Variants in PLD1 observed in about 807,000 individuals in gnomAD.
PLD1 encodes the protein choline phosphatase 1.
A neutral mutation model predicts 137.1 loss-of-function variants in PLD1; 112 were observed. The observed-to-expected ratio is 0.82, with a 90% CI of 0.70 to 0.96. The LOEUF is 0.96. Ranked by LOEUF, PLD1 falls within the 40% of genes least tolerant of loss-of-function variation. The pLI is 0.00. For missense variants in PLD1, 1,321 were observed against 1,342.0 expected (o/e 0.98, Z 0.24); for synonymous variants, 431 against 454.7 (o/e 0.95, Z 0.66).
intron 16 of PLD1, among the ~76,000 whole-genome samples, chr3:171,685,074 A>G (rs1714414036): frequency 6.6e-6 from 1 of 152,210 alleles, no homozygotes; most frequent in Non-Finnish European, 1.5e-5. Context: ...ATGGCTTTGA[A>G]TGTGGCCCAA....
Position 171,686,123 on chromosome 3 carries a change from C to CAAA in PLD1, c.1867+559_1867+561dup, listed in dbSNP as rs370165481. On this transcript the variant is annotated intron_variant, in intron 16 of 26. Transcript: ENST00000351298. ...TGGGTGACAGAGCAAGACTCTATCT[C>CAAA]AAAAAAAAAAAAAAAAAAAGATTTT... Among the ~76,000 whole-genome samples the CAAA allele has an allele frequency of 4.4e-4, 33 of 74,296 alleles. 1 individual carries two copies. The highest frequency in any genetic ancestry group is 3.2e-3 in the South Asian group (7 of 2,154). 48.7% of individuals were successfully genotyped at this position (74,296 alleles called of 152,430 possible).
intron 1 of PLD1, among the ~76,000 whole-genome samples, chr3:171,754,418 A>C (rs959512007): frequency 2.6e-5 from 4 of 152,158 alleles, no homozygotes; most frequent in Non-Finnish European, 5.9e-5. Context: ...AAGAAGTAAT[A>C]ACTCAAAGTG....
rs62281876 is a variant in PLD1 at position 171,681,446 on chromosome 3, T to C, written c.1868-3752A>G. On this transcript the variant is annotated intron_variant, in intron 16 of 26. Transcript: ENST00000351298. ...ACTCAGTCTGAGATGCCGAAATAAA[T>C]ACTTTTGCATTTCCTATATCTGGGT... 8.0e-3 allele frequency among the ~76,000 whole-genome samples: 1,219 copies of C among 152,330 alleles called. 10 individuals carry two copies. The highest frequency in any genetic ancestry group is 0.012 in the Non-Finnish European group (802 of 68,028).
chr3:171,780,742 G>A (rs1295200926), intron 1 of PLD1, among the ~76,000 whole-genome samples: 1 of 152,180 alleles, frequency 6.6e-6, no homozygotes, highest in Non-Finnish European at 1.5e-5. Flanking sequence ...GTGGGCTCAA[G>A]AGAAATTTAT....
intron 6 of PLD1, among the ~76,000 whole-genome samples, 166 bp downstream of exon 6, chr3:171,733,278 G>A (rs1560261021): frequency 6.6e-6 from 1 of 152,156 alleles, no homozygotes; most frequent in East Asian, 1.9e-4. Context: ...ACTGTAAACT[G>A]GATCCTTGCT....
intron 1 of PLD1, among the ~76,000 whole-genome samples, chr3:171,766,697 T>C (rs1721999016): frequency 6.6e-6 from 1 of 152,216 alleles, no homozygotes. Context: ...TTAAAGCGTC[T>C]ACACTCCTAC....
At chr3:171,797,752 T>G (rs1236108465) in intron 1 of PLD1, among the ~76,000 whole-genome samples, 2 of 152,266 alleles carry the variant, frequency 1.3e-5, no homozygotes, top group African/African-American at 4.8e-5. Flanking sequence ...TGGCATGTAT[T>G]AATGTGAATG....
chr3:171,674,420 A>G, intron 19 of PLD1, 80 bp downstream of exon 19: 2 of 616,826 alleles, frequency 3.2e-6, no homozygotes, highest in Non-Finnish European at 5.7e-6. Flanking sequence ...ATCTGAAGCC[A>G]ATGTAATAGG....
At chr3:171,638,142 G>A (rs1019445577) in intron 23 of PLD1, among the ~76,000 whole-genome samples, 30 of 143,202 alleles carry the variant, frequency 2.1e-4, no homozygotes, top group African/African-American at 7.1e-4. Context: ...CCAAGATTGC[G>A]CCACTGCACT....
intron 8 of PLD1, among the ~76,000 whole-genome samples, chr3:171,720,566 G>A (rs1406135446): frequency 1.3e-5 from 2 of 149,590 alleles, no homozygotes; most frequent in African/African-American, 5.0e-5. Flanking sequence ...CTAGGCGACA[G>A]AGCAAGACTC....
intron 1 of PLD1, among the ~76,000 whole-genome samples, chr3:171,757,621 G>A (rs141881651): frequency 2.0e-5 from 3 of 152,264 alleles, no homozygotes; most frequent in East Asian, 1.9e-4. Context: ...AAAAGTGGAA[G>A]GCATGTATAT....
chr3:171,682,425 A>G (rs574320844), intron 16 of PLD1, among the ~76,000 whole-genome samples: 2 of 152,316 alleles, frequency 1.3e-5, no homozygotes, highest in East Asian at 1.9e-4. Context: ...AAGGAGCCCA[A>G]TTCAACATGG....
intron 1 of PLD1, among the ~76,000 whole-genome samples, chr3:171,786,482 C>T (rs927924627): frequency 8.5e-5 from 13 of 152,174 alleles, no homozygotes; most frequent in African/African-American, 2.2e-4. Flanking sequence ...ATGCAGCAAT[C>T]GAGCTGTCTA....
chr3:171,676,704 C>A lies in PLD1; in HGVS notation c.2115+11G>T, dbSNP rs932460411. 3.4e-5 allele frequency: 55 copies of A among 1,598,348 alleles called. No homozygotes were observed. The highest frequency in any genetic ancestry group is 4.6e-5 in the Non-Finnish European group (54 of 1,165,854). On this transcript the variant is annotated intron_variant, in intron 18 of 26. Coordinates refer to ENST00000351298, the MANE Select transcript of PLD1 (RefSeq NM_002662.5). ...TCATGTGGATAAATCATGATAGCAA[C>A]ATCCAAGTACTTTTGTGAAGTTCCA...
intron 21 of PLD1, among the ~76,000 whole-genome samples, chr3:171,655,633 T>G (rs1429295520): frequency 6.6e-6 from 1 of 152,092 alleles, no homozygotes; most frequent in Non-Finnish European, 1.5e-5. Flanking sequence ...CCACCACACC[T>G]GCCCAAGATA....
chr3:171,668,337 T>G (rs548058622), intron 19 of PLD1, among the ~76,000 whole-genome samples: 3 of 152,316 alleles, frequency 2.0e-5, no homozygotes, highest in East Asian at 1.9e-4. Flanking sequence ...TGGATTCCTT[T>G]TACCCCCACC....
intron 1 of PLD1, among the ~76,000 whole-genome samples, chr3:171,783,620 G>C (rs1722879735): frequency 6.6e-6 from 1 of 151,968 alleles, no homozygotes. Context: ...GATTGAGATA[G>C]GGTTTGTTTG....
intron 11 of PLD1, among the ~76,000 whole-genome samples, chr3:171,708,494 G>A (rs948294438): frequency 6.6e-6 from 1 of 152,142 alleles, no homozygotes; most frequent in African/African-American, 2.4e-5. Flanking sequence ...AATCTTTACT[G>A]ACATGAAAAC....
At position 171,603,253 on chromosome 3, in the gene PLD1, C is replaced by G; in HGVS notation, c.3050G>C (p.Arg1017Thr). 6.2e-7 allele frequency: 1 copy of G among 1,614,034 alleles called. No homozygotes were observed. The highest frequency in any genetic ancestry group is 8.5e-7 in the Non-Finnish European group (1 of 1,179,980). Residue 1017 changes from arginine to threonine, a missense_variant, in exon 27 of 27, where the codon AGA becomes ACA. By Grantham distance (71) the Arg-to-Thr change is moderately conservative. Coordinates refer to ENST00000351298, the MANE Select transcript of PLD1 (RefSeq NM_002662.5). ...NDEVHNLIQL[R>T]DFINKPVLAK... ...TAATACGGGCTTGTTTATAAAGTCTCTCAGCTGAATTAAATTGTGTACTTC... is the reference window on the plus strand; with the variant it reads ...TAATACGGGCTTGTTTATAAAGTCTGTCAGCTGAATTAAATTGTGTACTTC...
Sources: allele counts gnomAD v4.1 joint callset (sites outside exome capture counted in the v4.1 genomes callset), GRCh38; gene constraint gnomAD v4.1.1; transcripts MANE v1.5; gene names NCBI Gene and HGNC (gene_info 2026-07-23, HGNC 2026-07-21).